SLC29A4: variants seen among roughly 807,000 people sequenced by gnomAD.
SLC29A4 encodes the protein equilibrative nucleoside transporter 4.
A neutral mutation model predicts 43.9 loss-of-function variants in SLC29A4; 36 were observed. That is an observed-to-expected ratio of 0.82 (90% CI 0.63 to 1.08). The LOEUF is 1.08. Ranked by LOEUF, SLC29A4 falls within the 50% of genes least tolerant of loss-of-function variation. The pLI is 0.00. For synonymous variants in SLC29A4, 491 were observed against 338.0 expected (o/e 1.45, Z -4.97); for missense variants, 869 against 755.3 (o/e 1.15, Z -1.77).
At chr7:5,288,883 A>T (rs10081393) in intron 2 of SLC29A4, among the ~76,000 whole-genome samples, 4 of 151,922 alleles carry the variant, frequency 2.6e-5, no homozygotes, top group Non-Finnish European at 5.9e-5. Flanking sequence ...GTTCAAGCCT[A>T]CCTCCCATCC....
chr7:5,289,498 C>G (rs971790739), intron 2 of SLC29A4, among the ~76,000 whole-genome samples: 4 of 152,142 alleles, frequency 2.6e-5, no homozygotes, highest in Admixed American at 2.6e-4. Context: ...GCAGGAGCTT[C>G]TTGGAGTCTC....
chr7:5,290,654 G>T, intron 2 of SLC29A4, 78 bp from the exon 3 acceptor site: 1 of 1,536,100 alleles, frequency 6.5e-7, no homozygotes, highest in South Asian at 1.2e-5. Context: ...GGCGGCCGGG[G>T]TGGTGGACAT....
chr7:5,288,828 C>T (rs1040087899), intron 2 of SLC29A4, among the ~76,000 whole-genome samples: 1 of 152,160 alleles, frequency 6.6e-6, no homozygotes, highest in African/African-American at 2.4e-5. Flanking sequence ...TGAGATCAGA[C>T]TTGCAGAGTG....
At chr7:5,295,357 C>G (rs1004872992) in intron 6 of SLC29A4, among the ~76,000 whole-genome samples, 1 of 152,190 alleles carries the variant, frequency 6.6e-6, no homozygotes, top group Non-Finnish European at 1.5e-5. Flanking sequence ...CAAGCCACCC[C>G]CTGGTCAGCA....
At chr7:5,301,477 G>T (rs12671975) in intron 10 of SLC29A4, among the ~76,000 whole-genome samples, 34,197 of 152,040 alleles carry the variant, frequency 0.22, 4,094 homozygotes, top group Non-Finnish European at 0.25. Context: ...ATGTGAGGAT[G>T]CAAGGGAAAG....
Position 5,305,249 on chromosome 7 carries a change from CAA to C in SLC29A4, c.*2311_*2312del, listed in dbSNP as rs1186535080. 1.4e-4 allele frequency: 22 copies of C among 152,344 alleles called. No homozygotes were observed. Among genetic ancestry groups the C allele is most frequent in the African/African-American group, 4.3e-4 (18 of 41,480 alleles). 9.4% of individuals were successfully genotyped at this position (152,344 alleles called of 1,614,324 possible). On this transcript the variant is annotated 3_prime_UTR_variant, in exon 11 of 11. Coordinates refer to ENST00000396872, the MANE Select transcript of SLC29A4 (RefSeq NM_153247.4). ...GGCCCAGGTGGGCGGCCACTTGGGCCAAGACTGCGCCAGGTGACACCAGAGTG... is the reference window on the plus strand; with the variant it reads ...GGCCCAGGTGGGCGGCCACTTGGGCCGACTGCGCCAGGTGACACCAGAGTG...
At position 5,303,022 on chromosome 7, in the gene SLC29A4, A is replaced by C. The variant is rs1786281736; in HGVS notation, c.*83A>C. 4.0e-6 allele frequency: 6 copies of C among 1,487,026 alleles called. No individual in the cohort carries two copies. The highest frequency in any genetic ancestry group is 1.4e-5 in the African/African-American group (1 of 70,862). The allele number at this position is 1,487,026 out of a possible 1,614,324, so 92.1% of individuals were successfully genotyped here. ...AGGGCCCCTCCCCTGTCCCCACCTC[A>C]GTGCCTGCGGGGCCCTGAGCCTCCC... On this transcript the variant is annotated 3_prime_UTR_variant, in exon 11 of 11. Coordinates refer to ENST00000396872, the MANE Select transcript of SLC29A4 (RefSeq NM_153247.4).
At chr7:5,292,329 G>T (rs1395207082) in intron 5 of SLC29A4, among the ~76,000 whole-genome samples, 2 of 152,144 alleles carry the variant, frequency 1.3e-5, no homozygotes, top group Non-Finnish European at 2.9e-5. Context: ...GCCCAGGCTA[G>T]TCTTGAACTC....
intron 2 of SLC29A4, among the ~76,000 whole-genome samples, chr7:5,289,042 C>T (rs1785141921): frequency 1.3e-5 from 2 of 152,148 alleles, no homozygotes; most frequent in Non-Finnish European, 1.5e-5. Context: ...TCAGGAGGCA[C>T]CCTGTAAGCT....
At chr7:5,284,360 C>A (rs867952285) in intron 1 of SLC29A4, among the ~76,000 whole-genome samples, 5 of 152,182 alleles carry the variant, frequency 3.3e-5, no homozygotes, top group Admixed American at 1.3e-4. Context: ...AGCCACCCAC[C>A]CAGTCCCTGT....
At chr7:5,298,039 T>G (rs1045826824) in intron 7 of SLC29A4, among the ~76,000 whole-genome samples, 11 of 151,840 alleles carry the variant, frequency 7.2e-5, no homozygotes, top group Non-Finnish European at 1.6e-4. Context: ...ACCTGCAGGG[T>G]GAGGTCAGGA....
rs1374585282 is a variant in SLC29A4 at position 5,290,856 on chromosome 7, G to A, written c.294G>A (p.Lys98=). 2 of 1,611,260 alleles carry A rather than the reference G, an allele frequency of 1.2e-6. No homozygotes were observed. Among genetic ancestry groups the A allele is most frequent in the Non-Finnish European group, 1.7e-6 (2 of 1,178,550 alleles). ...CGGACGTGGACTACCTGCATCACAA[G>A]TACCCAGGTGGGTCCCTCCACGGTC... ...FITDVDYLHH[K]YPGTSIVFDM... is the part of the protein sequence containing the mutation. The change falls in exon 3 of 11, where the codon AAG becomes AAA. Residue 98 remains lysine, a synonymous_variant. Transcript: ENST00000396872.
chr7:5,299,136 G>A lies in SLC29A4; in HGVS notation c.1021+10G>A, dbSNP rs773126541. 2.5e-6 allele frequency: 4 copies of A among 1,606,960 alleles called. No homozygotes were observed. The South Asian group carries it at 4.4e-5, about 18-fold the overall frequency. ...TGGCCCACCTTCAGAGGTGAGTGCG[G>A]GGAGTCCTCTGCTGCCCTGGCTCTG... On this transcript the variant is annotated intron_variant, in intron 8 of 10. Transcript: ENST00000396872.
Position 5,290,703 on chromosome 7 carries a change from C to G in SLC29A4, c.170-29C>G, listed in dbSNP as rs11982671. 159 of 1,590,740 alleles carry G rather than the reference C, an allele frequency of 1.0e-4. 1 individual carries two copies. The Admixed American group carries it at 2.6e-3, about 26-fold the overall frequency. On this transcript the variant is annotated intron_variant, in intron 2 of 10. Transcript: ENST00000396872. ...GACTGTAGCCATGCGTGGAGCGTGC[C>G]CCGTCTCACCTGGTGTCTCTGGCTT...
In SLC29A4 at chr7:5,303,124, G is replaced by T. The variant is rs1316624228; in HGVS notation, c.*185G>T. Reference sequence around the variant, plus strand: ...CTGAAGTTCTGCAAAGTCCTCCGAGGACCGGAACACGTTTCTGCGACCCGG... The same window carrying T: ...CTGAAGTTCTGCAAAGTCCTCCGAGTACCGGAACACGTTTCTGCGACCCGG... On this transcript the variant is annotated 3_prime_UTR_variant, in exon 11 of 11. Transcript: ENST00000396872. The T allele has an allele frequency of 3.1e-5, 22 of 710,768 alleles. No individual in the cohort carries two copies. Among genetic ancestry groups the T allele is most frequent in the Non-Finnish European group, 9.1e-6 (4 of 438,358 alleles). The allele number at this position is 710,768 out of a possible 1,614,324, so 44.0% of individuals were successfully genotyped here. A position where few individuals can be genotyped will look rare whatever the true frequency, so the allele number is the denominator to read the frequency against.
At chr7:5,291,627 G>A (rs1785315157) in intron 4 of SLC29A4, 66 bp from the exon 5 acceptor site, 3 of 1,514,548 alleles carry the variant, frequency 2.0e-6, no homozygotes, top group African/African-American at 2.7e-5. Flanking sequence ...TGCAGGAGGG[G>A]CGAGGAGGAG....
In SLC29A4 at chr7:5,299,001, C is replaced by T. The variant is rs376680455; in HGVS notation, c.896C>T (p.Pro299Leu). Residue 299 changes from proline (P) to leucine (L), a missense_variant, in exon 8 of 11, where the codon CCG (proline) becomes CTG (leucine). Transcript: ENST00000396872. ...TCCTCCCTCCAGGAGCACCCAGCCC[C>T]GGCCCTGGCCCCCAACGAGTCCCCA... ...AGDVHFEHPA[P>L]ALAPNESPKD... 116 of 1,609,862 alleles carry T rather than the reference C, an allele frequency of 7.2e-5. No homozygotes were observed. The highest frequency in any genetic ancestry group is 2.9e-4 in the African/African-American group (22 of 75,034).
chr7:5,290,735 T>C lies in SLC29A4; in HGVS notation c.173T>C (p.Leu58Ser), dbSNP rs201447711. 39 of 1,608,548 alleles carry C rather than the reference T, an allele frequency of 2.4e-5. No homozygotes were observed. In the East Asian group the frequency reaches 8.7e-4, roughly 36 times the overall value. Reference sequence around the variant, plus strand: ...CACCTGGTGTCTCTGGCTTTAGCATTGGACGAGCCAGTGCCCGATGACCGT... The same window carrying C: ...CACCTGGTGTCTCTGGCTTTAGCATCGGACGAGCCAGTGCCCGATGACCGT... ...RGVPAFTDTT[L>S]DEPVPDDRYH... Residue 58 changes from leucine (L) to serine (S), a missense_variant, in exon 3 of 11, where the codon TTG (leucine) becomes TCG (serine). Transcript: ENST00000396872.
chr7:5,300,679 G>C lies in SLC29A4; in HGVS notation c.1450+17G>C, dbSNP rs375511310. On this transcript the variant is annotated intron_variant, in intron 10 of 10. Transcript: ENST00000396872. ...AGCTGGCAGGTGAGGCCCGCGGGAC[G>C]TGGGGGTGGGGGCGTCCTCCCAGCA... 3.7e-6 allele frequency: 6 copies of C among 1,601,304 alleles called. No homozygotes were observed. Among genetic ancestry groups the C allele is most frequent in the Non-Finnish European group, 5.1e-6 (6 of 1,177,818 alleles).
Sources: gnomAD v4.1 joint callset for allele counts (sites outside exome capture counted in the v4.1 genomes callset) on GRCh38, gnomAD v4.1.1 for gene constraint, MANE v1.5 for transcripts, NCBI Gene and HGNC (gene_info 2026-07-23, HGNC 2026-07-21) for gene names.